DYRK1A: variants seen among roughly 807,000 people sequenced by gnomAD.
DYRK1A encodes dual specificity tyrosine phosphorylation regulated kinase 1A.
In DYRK1A, 9 loss-of-function variants were observed where a neutral mutation model predicts 79.7. The observed-to-expected ratio is 0.11, with a 90% CI of 0.07 to 0.20. The LOEUF (loss-of-function observed/expected upper bound fraction) is 0.20, where lower values mean the gene tolerates loss of function less well. Among genes scored for constraint, DYRK1A ranks in the 10% least tolerant of loss-of-function variants. The probability of loss-of-function intolerance (pLI) is 1.00; values close to 1 mark genes in which losing one functional copy is unlikely to be tolerated. For synonymous variants in DYRK1A, 349 were observed against 329.7 expected (o/e 1.06, Z -0.63); for missense variants, 622 against 956.0 (o/e 0.65, Z 4.61).
intron 1 of DYRK1A, among the ~76,000 whole-genome samples, chr21:37,413,826 A>C (rs976149937): frequency 6.6e-6 from 1 of 152,164 alleles, no homozygotes; most frequent in Non-Finnish European, 1.5e-5. Context: ...TTAAGCAAGC[A>C]TATCAGTTAA....
intron 9 of DYRK1A, among the ~76,000 whole-genome samples, chr21:37,497,890 A>T (rs1023260885): frequency 2.0e-5 from 3 of 152,202 alleles, no homozygotes; most frequent in African/African-American, 7.2e-5. Flanking sequence ...GATTTATTTT[A>T]GTCGCACTTA....
chr21:37,439,031 C>T (rs1227028706), intron 2 of DYRK1A, among the ~76,000 whole-genome samples: 1 of 150,648 alleles, frequency 6.6e-6, no homozygotes, highest in Non-Finnish European at 1.5e-5. Context: ...AGGTTTATGC[C>T]TAAGTATTTC....
chr21:37,428,061 A>T (rs2050676745), intron 2 of DYRK1A, among the ~76,000 whole-genome samples: 1 of 152,150 alleles, frequency 6.6e-6, no homozygotes, highest in South Asian at 2.1e-4. Flanking sequence ...AGGTACTGTG[A>T]TTGACCCAGA....
In DYRK1A at chr21:37,470,367, A is replaced by G. The variant is rs73400117; in HGVS notation, c.11-2317A>G. On this transcript the variant is annotated intron_variant, in intron 2 of 11. Coordinates refer to ENST00000647188, the MANE Select transcript of DYRK1A (RefSeq NM_001347721.2). The stretch of plus-strand genomic sequence containing the variant: ...CCTCTTTTCTACAATATTGCATTGA[A>G]TAAGTTTAAACATAGTATATAACAG... Among the ~76,000 whole-genome samples, 1,317 of 152,330 alleles carry G rather than the reference A, an allele frequency of 8.6e-3. 20 individuals carry two copies. The highest frequency in any genetic ancestry group is 0.03 in the African/African-American group (1,233 of 41,558).
At chr21:37,434,929 G>A (rs2050880669) in intron 2 of DYRK1A, among the ~76,000 whole-genome samples, 1 of 152,110 alleles carries the variant, frequency 6.6e-6, no homozygotes, top group African/African-American at 2.4e-5. Context: ...CTTTTGAGTA[G>A]GTGGGGAAAA....
chr21:37,458,305 T>TGTGTAC (rs1284724347), intron 2 of DYRK1A, among the ~76,000 whole-genome samples: 5 of 138,514 alleles, frequency 3.6e-5, no homozygotes, highest in African/African-American at 1.2e-4. Flanking sequence ...TGTGTGTGTG[T>TGTGTAC]GTACATATAC....
chr21:37,427,467 G>A (rs1232254909), intron 2 of DYRK1A, among the ~76,000 whole-genome samples: 1 of 152,112 alleles, frequency 6.6e-6, no homozygotes, highest in Admixed American at 6.5e-5. Flanking sequence ...ACATTCTCCA[G>A]CATCAATATT....
intron 5 of DYRK1A, among the ~76,000 whole-genome samples, chr21:37,484,757 T>G (rs1315933468): frequency 6.6e-6 from 1 of 152,160 alleles, no homozygotes. Flanking sequence ...TCTTCTCCCC[T>G]TCACCTTAGT....
At chr21:37,417,524 T>TTTTTCTTTTTCTTTTTCTTTTTC (rs1569304445) in intron 1 of DYRK1A, among the ~76,000 whole-genome samples, 1 of 57,746 alleles carries the variant, frequency 1.7e-5, no homozygotes, top group South Asian at 5.1e-4. Flanking sequence ...TTTCTTTTTC[T>TTTTTCTTTTTCTTTTTCTTTTTC]TTTTCTTTTT....
At chr21:37,435,398 T>C (rs568546184) in intron 2 of DYRK1A, among the ~76,000 whole-genome samples, 1 of 152,292 alleles carries the variant, frequency 6.6e-6, no homozygotes, top group Non-Finnish European at 1.5e-5. Context: ...GTGAGAGACA[T>C]TGATAAATGA....
intron 1 of DYRK1A, among the ~76,000 whole-genome samples, chr21:37,410,295 G>A (rs1380658957): frequency 6.6e-6 from 1 of 152,194 alleles, no homozygotes; most frequent in Non-Finnish European, 1.5e-5. Flanking sequence ...TGTAGGCTGT[G>A]TATAGGTATT....
At chr21:37,418,947 T>C (rs1861629434) in intron 1 of DYRK1A, 1 of 152,170 alleles carries the variant, frequency 6.6e-6, no homozygotes, top group Non-Finnish European at 1.5e-5. Context: ...TCCAGTGAAG[T>C]GTTTAGTATT....
intron 1 of DYRK1A, among the ~76,000 whole-genome samples, chr21:37,395,240 C>T (rs1326467540): frequency 6.6e-6 from 1 of 152,172 alleles, no homozygotes; most frequent in Non-Finnish European, 1.5e-5. Flanking sequence ...CAGGTTTAAC[C>T]TAACTAGGCT....
At chr21:37,468,523 A>G (rs955480049) in intron 2 of DYRK1A, among the ~76,000 whole-genome samples, 2 of 152,204 alleles carry the variant, frequency 1.3e-5, no homozygotes, top group African/African-American at 2.4e-5. Context: ...GTAAGTCTGT[A>G]TCCAGTAGAA....
At chr21:37,494,748 G>C (rs961484889) in intron 8 of DYRK1A, among the ~76,000 whole-genome samples, 1 of 151,916 alleles carries the variant, frequency 6.6e-6, no homozygotes, top group East Asian at 1.9e-4. Context: ...AGGAGTTCGA[G>C]ACTGGCCCTG....
intron 2 of DYRK1A, among the ~76,000 whole-genome samples, chr21:37,465,267 A>G (rs1601176243): frequency 6.6e-6 from 1 of 152,232 alleles, no homozygotes; most frequent in South Asian, 2.1e-4. Context: ...CAGATCATCC[A>G]CAGCAAATTC....
At chr21:37,486,710 A>C in intron 6 of DYRK1A, 96 bp downstream of exon 6, 2 of 1,239,564 alleles carry the variant, frequency 1.6e-6, no homozygotes, top group Non-Finnish European at 2.1e-6. Flanking sequence ...TTTTATTTTA[A>C]AGTGGCTGAT....
intron 2 of DYRK1A, among the ~76,000 whole-genome samples, chr21:37,456,685 G>T (rs2051648415): frequency 1.3e-5 from 2 of 152,154 alleles, no homozygotes; most frequent in African/African-American, 4.8e-5. Context: ...GTGGAAAAGG[G>T]CGCGGGCCCA....
chr21:37,490,564 A>G (rs1555984515), intron 7 of DYRK1A, 103 bp downstream of exon 7: 1 of 724,128 alleles, frequency 1.4e-6, no homozygotes, highest in Non-Finnish European at 1.8e-6. Context: ...GGTTTTCGCC[A>G]TTGCAGTTGC....
Sources: allele counts gnomAD v4.1 joint callset (sites outside exome capture counted in the v4.1 genomes callset), GRCh38; gene constraint gnomAD v4.1.1; transcripts MANE v1.5; gene names NCBI Gene and HGNC (gene_info 2026-07-23, HGNC 2026-07-21).